NEB: variants seen among roughly 807,000 people sequenced by gnomAD.
The protein encoded by NEB is nebulin.
In NEB, 512 loss-of-function variants were observed where a neutral mutation model predicts 952.2. That is an observed-to-expected ratio of 0.54 (90% CI 0.50 to 0.58). The LOEUF (loss-of-function observed/expected upper bound fraction) is 0.58, where lower values mean the gene tolerates loss of function less well. Ranked by LOEUF, NEB falls within the 20% of genes least tolerant of loss-of-function variation. The pLI is 0.00. For synonymous variants in NEB, 2,900 were observed against 3,149.8 expected (o/e 0.92, Z 2.66); for missense variants, 8,428 against 9,231.1 (o/e 0.91, Z 3.56).
In NEB at chr2:151,694,426, T is replaced by C; in HGVS notation, c.1793A>G (p.Lys598Arg). ...CCCTTTGTTTTTTTCATAGTCTTTCTTGTACATCACCTGCAAAGACATCAC... is the reference window on the plus strand; with the variant it reads ...CCCTTTGTTTTTTTCATAGTCTTTCCTGTACATCACCTGCAAAGACATCAC... Reference protein sequence around the residue: ...NTKNTSDVMYKKDYEKNKGKM... With the variant: ...NTKNTSDVMYRKDYEKNKGKM... The change falls in exon 20 of 182, where the codon AAG becomes AGG. Residue 598 changes from lysine (K) to arginine (R), a missense_variant. By Grantham distance (26) the Lys-to-Arg change is conservative. Coordinates refer to ENST00000397345, the MANE Select transcript of NEB (RefSeq NM_001164508.2). 6.2e-7 allele frequency: 1 copy of C among 1,613,706 alleles called. No individual in the cohort carries two copies. Among genetic ancestry groups the C allele is most frequent in the Non-Finnish European group, 8.5e-7 (1 of 1,179,660 alleles).
At chr2:151,610,203 A>T in intron 80 of NEB, 83 bp from the exon 81 acceptor site, 1 of 1,160,664 alleles carries the variant, frequency 8.6e-7, no homozygotes, top group Admixed American at 2.7e-5. Context: ...CATGAAATGG[A>T]CAAGATTTTA....
rs1173869289 is a variant in NEB at position 151,671,151 on chromosome 2, C to A, written c.4378G>T (p.Val1460Phe). Reference protein sequence around the residue: ...IPIGSLEVEKVKKAGDALNER... With the variant: ...IPIGSLEVEKFKKAGDALNER... ...TTTAATGCATCGCCTGCTTTCTTGA[C>A]CTTCTCCACCTCCAGGGAACCAATA... The change falls in exon 38 of 182, where the codon GTC becomes TTC. Residue 1460 changes from valine to phenylalanine, a missense_variant. Transcript: ENST00000397345. 4.3e-6 allele frequency: 7 copies of A among 1,613,958 alleles called. No homozygotes were observed. Among genetic ancestry groups the A allele is most frequent in the Non-Finnish European group, 5.9e-6 (7 of 1,179,850 alleles).
chr2:151,679,668 G>T, intron 32 of NEB, 53 bp downstream of exon 32: 2 of 310,084 alleles, frequency 6.4e-6, no homozygotes, highest in Non-Finnish European at 1.3e-5. Flanking sequence ...CAGACCCCAA[G>T]CCCACCCACC....
At position 151,639,888 on chromosome 2, in the gene NEB, A is replaced by G. The variant is rs1300276260; in HGVS notation, c.8858T>C (p.Leu2953Ser). 6.2e-7 allele frequency: 1 copy of G among 1,613,772 alleles called. No homozygotes were observed. The highest frequency in any genetic ancestry group is 1.3e-5 in the African/African-American group (1 of 74,924). Residue 2953 changes from leucine to serine, a missense_variant, in exon 62 of 182, where the codon TTG becomes TCG. Transcript: ENST00000397345. ...CATAGTGATGGCATTATTTTTGGCC[A>G]ACACTTGTTCCAGAGAGTCAGTCAC... ...TSVTDSLEQVLAKNNAITMNK... is the reference protein window; with the variant it reads ...TSVTDSLEQVSAKNNAITMNK...
Position 151,680,771 on chromosome 2 carries a change from T to A in NEB, c.3001A>T (p.Ile1001Phe). The change falls in exon 30 of 182, where the codon ATT becomes TTT. Residue 1001 changes from isoleucine to phenylalanine, a missense_variant. By Grantham distance (21) the Ile-to-Phe change is conservative. This residue lies in a region of NEB where 2,851 missense variants were observed against 2,791.5 expected (regional missense o/e 1.02). Coordinates refer to ENST00000397345, the MANE Select transcript of NEB (RefSeq NM_001164508.2). ...LKFTSIEDAP[I>F]TVQSKINQAQ... ...TGGTTAATTTTAGACTGTACTGTAA[T>A]TGGAGCATCTTCAATCGAGGTAAAC... is the stretch of plus-strand genomic sequence containing the variant. 5 of 1,613,326 alleles carry A rather than the reference T, an allele frequency of 3.1e-6. No homozygotes were observed. The highest frequency in any genetic ancestry group is 4.2e-6 in the Non-Finnish European group (5 of 1,179,346).
chr2:151,734,319 C>A (rs2099816375), intron 1 of NEB, 79 bp downstream of exon 1: 1 of 152,108 alleles, frequency 6.6e-6, no homozygotes, highest in Non-Finnish European at 1.5e-5. Context: ...ATGGCCCAAA[C>A]CTTTGAAAAA....
Position 151,640,684 on chromosome 2 carries a change from CAGAT to C in NEB, c.8374-22_8374-19del, listed in dbSNP as rs750709191. 8 of 1,599,680 alleles carry C rather than the reference CAGAT, an allele frequency of 5.0e-6. No homozygotes were observed. Among genetic ancestry groups the C allele is most frequent in the South Asian group, 2.2e-5 (2 of 90,044 alleles). On this transcript the variant is annotated intron_variant, in intron 60 of 181. Transcript: ENST00000397345. ...TACTTGAACTAAAAGAAGAAAAAGA[CAGAT>C]AGTCATCTGTTTTAACTTTTAGTAA...
At chr2:151,668,939 G>GC (rs2099252828) in intron 39 of NEB, 88 bp downstream of exon 39, 2 of 953,844 alleles carry the variant, frequency 2.1e-6, no homozygotes, top group Non-Finnish European at 3.2e-6. Flanking sequence ...ACTGAATTGC[G>GC]CCCCCTACAA....
In NEB at chr2:151,524,323, C is replaced by T; in HGVS notation, c.22467G>A (p.Lys7489=). The T allele has an allele frequency of 6.2e-7, 1 of 1,613,862 alleles. No homozygotes were observed. Among genetic ancestry groups the T allele is most frequent in the Non-Finnish European group, 8.5e-7 (1 of 1,179,862 alleles). Reference sequence around the variant, plus strand: ...CCATCTGCATTACCTGGCTGCTCAGCTTGGCTGCCTTCTTGGCCATTTCTA... The same window carrying T: ...CCATCTGCATTACCTGGCTGCTCAGTTTGGCTGCCTTCTTGGCCATTTCTA... ...PDIEMAKKAA[K]LSSQVKYREN... The change falls in exon 153 of 182, where the codon AAG becomes AAA. Residue 7489 remains lysine, a synonymous_variant. Coordinates refer to ENST00000397345, the MANE Select transcript of NEB (RefSeq NM_001164508.2).
In NEB at chr2:151,641,779, G is replaced by T. The variant is rs78775419; in HGVS notation, c.8373+795C>A. Reference sequence around the variant, plus strand: ...GAGTTTTTTTTATTCATAGACAAAAGAAATGGAAAGATAAAAATTTTTAGA... The same window carrying T: ...GAGTTTTTTTTATTCATAGACAAAATAAATGGAAAGATAAAAATTTTTAGA... On this transcript the variant is annotated intron_variant, in intron 60 of 181. Transcript: ENST00000397345. 3.1e-3 allele frequency among the ~76,000 whole-genome samples: 478 copies of T among 152,204 alleles called. 2 individuals carry two copies. Among genetic ancestry groups the T allele is most frequent in the Admixed American group, 6.8e-3 (104 of 15,286 alleles).
intron 13 of NEB, among the ~76,000 whole-genome samples, chr2:151,705,023 G>A (rs2099699391): frequency 1.3e-5 from 2 of 152,126 alleles, no homozygotes; most frequent in African/African-American, 4.8e-5. Flanking sequence ...TAGCACCACA[G>A]CAAACACAGG....
intron 52 of NEB, among the ~76,000 whole-genome samples, chr2:151,653,673 T>C (rs966742909): frequency 6.6e-6 from 1 of 152,148 alleles, no homozygotes; most frequent in African/African-American, 2.4e-5. Flanking sequence ...AATAGACAAG[T>C]AGAAAGCAGT....
chr2:151,506,481 T>C (rs1055001330), intron 163 of NEB: 36 of 507,338 alleles, frequency 7.1e-5, no homozygotes, highest in African/African-American at 6.4e-4. Flanking sequence ...TCTAAGATTG[T>C]GGTATACCAT....
chr2:151,657,737 A>G (rs2099101631), intron 48 of NEB, among the ~76,000 whole-genome samples: 1 of 152,194 alleles, frequency 6.6e-6, no homozygotes, highest in Admixed American at 6.6e-5. Flanking sequence ...TTGGTGACAG[A>G]TTCAAAGTAA....
In NEB at chr2:151,568,348, T is replaced by C. The variant is rs745539800; in HGVS notation, c.17704A>G (p.Thr5902Ala). ...AGTATCCTAGCAGCCTCCTGGGCAG[T>C]GTGCAGCAGGGGGGTTTCTGTGAGG... ...YTLTETPLLH[T>A]AQEAARILDQ... The change falls in exon 112 of 182, where the codon ACT becomes GCT. Residue 5902 changes from threonine (T) to alanine (A), a missense_variant. By Grantham distance (58) the Thr-to-Ala change is moderately conservative. Around this residue, in one of 11 missense-constraint regions of NEB, gnomAD observed 3,374 missense variants for 3,651.5 expected, o/e 0.92. Transcript: ENST00000397345. The C allele has an allele frequency of 6.2e-7, 1 of 1,613,308 alleles. No homozygotes were observed. The highest frequency in any genetic ancestry group is 1.1e-5 in the South Asian group (1 of 91,050).
At chr2:151,527,385 G>A (rs1576329904) in intron 147 of NEB, 96 bp downstream of exon 147, 4 of 1,044,100 alleles carry the variant, frequency 3.8e-6, no homozygotes, top group East Asian at 2.6e-5. Flanking sequence ...ACGAGCAAGG[G>A]TTAACACTCA....
At chr2:151,706,539 C>G (rs1359086176) in intron 13 of NEB, among the ~76,000 whole-genome samples, 1 of 152,100 alleles carries the variant, frequency 6.6e-6, no homozygotes, top group East Asian at 1.9e-4. Flanking sequence ...CTTTGAAAGT[C>G]TCCTTCTGCT....
intron 35 of NEB, 102 bp from the exon 36 acceptor site, chr2:151,674,686 A>T: frequency 3.7e-6 from 3 of 816,078 alleles, no homozygotes; most frequent in Non-Finnish European, 4.1e-6. Context: ...AATCCCTCAT[A>T]GCACATACTG....
chr2:151,546,441 A>C lies in NEB; in HGVS notation c.20370T>G (p.Ile6790Met), dbSNP rs1295825416. 1.2e-6 allele frequency: 2 copies of C among 1,606,090 alleles called. No homozygotes were observed. The highest frequency in any genetic ancestry group is 2.2e-5 in the South Asian group (2 of 90,894). Residue 6790 changes from isoleucine to methionine, a missense_variant and splice_region_variant, in exon 134 of 182, where the codon ATT becomes ATG. Ile to Met is a conservative substitution (Grantham distance 10). This residue lies in a region of NEB where 3,374 missense variants were observed against 3,651.5 expected (regional missense o/e 0.92). Coordinates refer to ENST00000397345, the MANE Select transcript of NEB (RefSeq NM_001164508.2). ...CRYVGDITSD[I>M]KYKEDLQVLK... ...GGACCTGCAAGTCCTCTTTGTATTTAATCTGAGAGGCAAACACAGAAATAT... is the reference window on the plus strand; with the variant it reads ...GGACCTGCAAGTCCTCTTTGTATTTCATCTGAGAGGCAAACACAGAAATAT...
Sources: gnomAD v4.1 joint callset for allele counts (sites outside exome capture counted in the v4.1 genomes callset) on GRCh38, gnomAD v4.1.1 for gene constraint, gnomAD v4.1.1 regional missense constraint, MANE v1.5 for transcripts, NCBI Gene and HGNC (gene_info 2026-07-23, HGNC 2026-07-21) for gene names.